EIF2AK4: variants seen among roughly 807,000 people sequenced by gnomAD.
EIF2AK4 encodes eukaryotic translation initiation factor 2 alpha kinase 4.
In EIF2AK4, 139 loss-of-function variants were observed where a neutral mutation model predicts 211.1. The ratio of observed to expected loss-of-function variants is 0.66; its 90% CI spans 0.57 to 0.76. The LOEUF is 0.76. Among genes scored for constraint, EIF2AK4 ranks in the 30% least tolerant of loss-of-function variants. The pLI, the probability that EIF2AK4 is intolerant of heterozygous loss-of-function variation, is 0.00. For missense variants in EIF2AK4, 1,664 were observed against 2,043.8 expected (o/e 0.81, Z 3.58); for synonymous variants, 710 against 751.3 (o/e 0.94, Z 0.90).
At chr15:40,002,905 T>C in intron 22 of EIF2AK4, 117 bp downstream of exon 22, 1 of 1,186,146 alleles carries the variant, frequency 8.4e-7, no homozygotes, top group Non-Finnish European at 1.2e-6. Context: ...TTATAAATAA[T>C]TGACATCATA....
In EIF2AK4 at chr15:39,955,666, A is replaced by G. The variant is rs776863873; in HGVS notation, c.641A>G (p.Lys214Arg). The stretch of plus-strand genomic sequence containing the variant: ...TTGTCAAACCAAGATCATACCTCTA[A>G]GAAGGACCCAGGAGGACACAGAACG... ...ASLSNQDHTS[K>R]KDPGGHRTAA... is the part of the protein sequence containing the mutation. Residue 214 changes from lysine (K) to arginine (R), a missense_variant, in exon 6 of 39, where the codon AAG (lysine) becomes AGG (arginine). Transcript: ENST00000263791. The G allele has an allele frequency of 1.2e-6, 2 of 1,612,280 alleles. No homozygotes were observed. The highest frequency in any genetic ancestry group is 1.7e-5 in the Admixed American group (1 of 59,520).
intron 25 of EIF2AK4, among the ~76,000 whole-genome samples, chr15:40,009,228 A>G (rs1290427592): frequency 6.6e-6 from 1 of 151,774 alleles, no homozygotes; most frequent in Non-Finnish European, 1.5e-5. Flanking sequence ...AGCTGGGTCT[A>G]CAAGCATGTG....
rs116834566 is a variant in EIF2AK4 at position 40,004,873 on chromosome 15, A to G, written c.3357+1559A>G. 4.5e-3 allele frequency among the ~76,000 whole-genome samples: 684 copies of G among 152,332 alleles called. 5 individuals carry two copies. Among genetic ancestry groups the G allele is most frequent in the Admixed American group, 0.016 (251 of 15,304 alleles). ...GCCCAGCCAATCTATATTTTTATATAGATCAAATATGTATTTTTTATATAT... is the reference window on the plus strand; with the variant it reads ...GCCCAGCCAATCTATATTTTTATATGGATCAAATATGTATTTTTTATATAT... On this transcript the variant is annotated intron_variant, in intron 23 of 38. Coordinates refer to ENST00000263791, the MANE Select transcript of EIF2AK4 (RefSeq NM_001013703.4).
chr15:39,937,102 A>G (rs756080014), intron 1 of EIF2AK4, among the ~76,000 whole-genome samples: 7 of 152,238 alleles, frequency 4.6e-5, no homozygotes, highest in Admixed American at 1.3e-4. Flanking sequence ...TCTATAATTT[A>G]TAGATAGTTA....
At chr15:39,961,693 G>C in intron 6 of EIF2AK4, 91 bp from the exon 7 acceptor site, 1 of 971,976 alleles carries the variant, frequency 1.0e-6, no homozygotes, top group South Asian at 1.6e-5. Context: ...GGGCATTCTT[G>C]CCTATGTTAA....
intron 13 of EIF2AK4, among the ~76,000 whole-genome samples, chr15:39,984,119 C>T (rs917806284): frequency 6.6e-6 from 1 of 152,186 alleles, no homozygotes; most frequent in African/African-American, 2.4e-5. Flanking sequence ...ATCCTTTCCC[C>T]ATTGCTTGTT....
At chr15:39,991,253 A>T (rs906566441) in intron 16 of EIF2AK4, 1 of 152,416 alleles carries the variant, frequency 6.6e-6, no homozygotes, top group Admixed American at 6.5e-5. Context: ...CAGTACGGAC[A>T]GGGTCCCGAT....
Position 39,987,986 on chromosome 15 carries a change from G to T in EIF2AK4, c.2407G>T (p.Glu803Ter). The change falls in exon 15 of 39, where the codon GAG becomes TAG. Residue 803 changes from glutamate (E) to a stop codon, truncating the protein, a stop_gained. Transcript: ENST00000263791. LOFTEE classifies it high-confidence loss of function. ...CTCCTGGTTTGTCTGTATATAGATGGAGTACTGTGAGAAGAGCACTTTACG... is the reference window on the plus strand; with the variant it reads ...CTCCTGGTTTGTCTGTATATAGATGTAGTACTGTGAGAAGAGCACTTTACG... Reference protein sequence around the residue: ...EAVHYLYIQMEYCEKSTLRDT... With the variant: ...EAVHYLYIQM The T allele has an allele frequency of 6.2e-7, 1 of 1,614,128 alleles. No individual in the cohort carries two copies. The highest frequency in any genetic ancestry group is 8.5e-7 in the Non-Finnish European group (1 of 1,179,996).
chr15:40,034,190 C>T, intron 37 of EIF2AK4, 136 bp from the exon 38 acceptor site: 4 of 670,264 alleles, frequency 6.0e-6, no homozygotes, highest in Non-Finnish European at 1.0e-5. Context: ...CTAACTGGTT[C>T]TGCTATCTCC....
rs1438821854 is a variant in EIF2AK4 at position 39,990,331 on chromosome 15, T to G, written c.2585T>G (p.Val862Gly). Residue 862 changes from valine to glycine, a missense_variant, in exon 16 of 39, where the codon GTG (valine) becomes GGG (glycine). Val to Gly is a moderately radical substitution (Grantham distance 109). Coordinates refer to ENST00000263791, the MANE Select transcript of EIF2AK4 (RefSeq NM_001013703.4). Reference protein sequence around the residue: ...VNIFLDSDDHVKIGDFGLATD... With the variant: ...VNIFLDSDDHGKIGDFGLATD... ...ATTTTTTTGGATTCTGATGACCATG[T>G]GAAAATAGGTGATTTTGGTTTGGCG... 2.5e-6 allele frequency: 4 copies of G among 1,614,126 alleles called. No individual in the cohort carries two copies. Among genetic ancestry groups the G allele is most frequent in the Non-Finnish European group, 3.4e-6 (4 of 1,180,044 alleles).
chr15:39,974,801 T>C (rs1409335295), intron 11 of EIF2AK4: 1 of 152,238 alleles, frequency 6.6e-6, no homozygotes, highest in African/African-American at 2.4e-5. Flanking sequence ...AGTTTCTCCC[T>C]GTGAGAATCC....
chr15:40,000,353 C>T (rs991852200), intron 20 of EIF2AK4, among the ~76,000 whole-genome samples: 2 of 152,094 alleles, frequency 1.3e-5, no homozygotes, highest in Non-Finnish European at 2.9e-5. Context: ...GTTTTCTTAT[C>T]TCAAATATTT....
intron 1 of EIF2AK4, among the ~76,000 whole-genome samples, chr15:39,937,423 C>T (rs1222322608): frequency 1.3e-5 from 2 of 151,944 alleles, no homozygotes; most frequent in Non-Finnish European, 2.9e-5. Flanking sequence ...GTTTATTTTT[C>T]TACTCTGTGG....
At chr15:40,018,410 C>T (rs962844294) in intron 29 of EIF2AK4, among the ~76,000 whole-genome samples, 2 of 151,592 alleles carry the variant, frequency 1.3e-5, no homozygotes, top group South Asian at 2.1e-4. Context: ...ATGTCTTTTG[C>T]GAATTTGGAG....
At chr15:39,936,468 G>A (rs769486594) in intron 1 of EIF2AK4, among the ~76,000 whole-genome samples, 4 of 152,100 alleles carry the variant, frequency 2.6e-5, no homozygotes, top group Non-Finnish European at 4.4e-5. Flanking sequence ...GCTGGAGTGC[G>A]GTGGAGCAAT....
At chr15:39,963,486 A>C (rs1015599890) in intron 7 of EIF2AK4, among the ~76,000 whole-genome samples, 1 of 152,220 alleles carries the variant, frequency 6.6e-6, no homozygotes, top group Non-Finnish European at 1.5e-5. Context: ...GTTTTCTCAC[A>C]GTGGGTCTGA....
chr15:39,952,925 A>G (rs576376296), intron 4 of EIF2AK4, among the ~76,000 whole-genome samples: 1 of 152,180 alleles, frequency 6.6e-6, no homozygotes, highest in East Asian at 1.9e-4. Flanking sequence ...CTGGCTTACT[A>G]CAACCTCCAT....
chr15:39,969,678 G>T (rs1003389026), intron 9 of EIF2AK4, among the ~76,000 whole-genome samples: 8 of 152,112 alleles, frequency 5.3e-5, no homozygotes, highest in African/African-American at 1.9e-4. Context: ...CTTTTAACAA[G>T]ATTTTTCTTT....
chr15:40,006,951 A>C, intron 23 of EIF2AK4, 65 bp from the exon 24 acceptor site: 1 of 1,264,542 alleles, frequency 7.9e-7, no homozygotes, highest in Non-Finnish European at 1.1e-6. Context: ...TTATGTTTCA[A>C]TAAAGCCGCT....
Sources: gnomAD v4.1 joint callset for allele counts (sites outside exome capture counted in the v4.1 genomes callset) on GRCh38, gnomAD v4.1.1 for gene constraint, MANE v1.5 for transcripts, NCBI Gene and HGNC (gene_info 2026-07-23, HGNC 2026-07-21) for gene names.